The following PTPN2 variants were observed in gnomAD, a reference collection of about 807,000 sequenced individuals.
PTPN2 encodes protein tyrosine phosphatase non-receptor type 2.
Under a neutral mutation model 57.3 loss-of-function variants are expected in PTPN2, and 19 were observed. That is an observed-to-expected ratio of 0.33 (90% CI 0.23 to 0.49). PTPN2 has a LOEUF of 0.49. PTPN2 is among the 20% of genes least tolerant of loss of function. PTPN2 has a pLI of 0.99. For synonymous variants in PTPN2, 153 were observed against 164.9 expected (o/e 0.93, Z 0.55); for missense variants, 358 against 501.1 (o/e 0.71, Z 2.73).
At chr18:12,805,635 CTTTCT>C (rs1222679585) in intron 7 of PTPN2, among the ~76,000 whole-genome samples, 3 of 124,788 alleles carry the variant, frequency 2.4e-5, no homozygotes, top group African/African-American at 8.0e-5. Context: ...AAGATGCCTC[CTTTCT>C]TTTTTTTTTT....
chr18:12,874,951 G>C (rs1303578951), intron 1 of PTPN2, among the ~76,000 whole-genome samples: 1 of 152,168 alleles, frequency 6.6e-6, no homozygotes, highest in Non-Finnish European at 1.5e-5. Context: ...TTTTCATTTT[G>C]TTCTGTACTA....
intron 1 of PTPN2, among the ~76,000 whole-genome samples, chr18:12,879,756 T>G (rs763620476): frequency 4.6e-5 from 7 of 152,230 alleles, no homozygotes; most frequent in Admixed American, 1.3e-4. Flanking sequence ...CAACAAGGTA[T>G]CAAGTTCTCC....
intron 2 of PTPN2, among the ~76,000 whole-genome samples, chr18:12,850,970 C>T (rs1007263628): frequency 3.9e-5 from 6 of 152,086 alleles, no homozygotes; most frequent in Non-Finnish European, 7.4e-5. Context: ...AAACTCCCGA[C>T]CTCAGGTGAT....
At chr18:12,859,116 T>C (rs1461643896) in intron 2 of PTPN2, 48 bp downstream of exon 2, 1 of 1,515,350 alleles carries the variant, frequency 6.6e-7, no homozygotes, top group Admixed American at 1.7e-5. Flanking sequence ...TCCTGCCTCC[T>C]AAAACAAACC....
At chr18:12,843,138 T>C (rs11875687) in intron 2 of PTPN2, among the ~76,000 whole-genome samples, 25,658 of 152,026 alleles carry the variant, frequency 0.17, 2,275 homozygotes, top group East Asian at 0.3. Flanking sequence ...CCAACCTACA[T>C]GATTCCAGAC....
chr18:12,817,834 A>G (rs924612825), intron 5 of PTPN2, among the ~76,000 whole-genome samples: 2 of 152,054 alleles, frequency 1.3e-5, no homozygotes, highest in African/African-American at 2.4e-5. Context: ...TGAATGGGCT[A>G]TTTTTTTCTA....
downstream of PTPN2, among the ~76,000 whole-genome samples, chr18:12,790,075 G>T (rs906908066): frequency 6.6e-6 from 1 of 151,994 alleles, no homozygotes; most frequent in Non-Finnish European, 1.5e-5. Context: ...TGGGACTACA[G>T]GCACGTGCCA....
chr18:12,863,822 A>C, intron 1 of PTPN2: 1 of 152,338 alleles, frequency 6.6e-6, no homozygotes, highest in South Asian at 2.1e-4. Flanking sequence ...TTAACCAAAA[A>C]TTTTAAATCT....
chr18:12,811,748 A>G (rs1251630040), intron 7 of PTPN2, among the ~76,000 whole-genome samples: 3 of 152,284 alleles, frequency 2.0e-5, no homozygotes, highest in African/African-American at 2.4e-5. Context: ...CAGGTCATTA[A>G]TGCTGACTGG....
rs1555679458 is a variant in PTPN2, at chr18:12,870,310, C to CGT, written c.70-11057_70-11056insAC. The stretch of plus-strand genomic sequence containing the variant: ...ATATACATATATATGTGTATATATA[C>CGT]ATATATATGTGTATATATATGTATA... On this transcript the variant is annotated intron_variant, in intron 1 of 8. Transcript: ENST00000309660. 4.7e-3 allele frequency among the ~76,000 whole-genome samples: 273 copies of CGT among 57,500 alleles called. 13 individuals carry two copies. Among genetic ancestry groups the CGT allele is most frequent in the Non-Finnish European group, 6.0e-3 (198 of 33,044 alleles). The allele number at this position is 57,500 out of a possible 152,430, so 37.7% of individuals were successfully genotyped here.
chr18:12,865,878 T>C (rs1842928914), intron 1 of PTPN2, among the ~76,000 whole-genome samples: 1 of 151,032 alleles, frequency 6.6e-6, no homozygotes, highest in South Asian at 2.1e-4. Context: ...GAAAAACAAA[T>C]GCTGAACAAA....
intron 5 of PTPN2, among the ~76,000 whole-genome samples, chr18:12,824,751 A>G (rs1183386340): frequency 2.0e-5 from 3 of 152,172 alleles, no homozygotes; most frequent in Non-Finnish European, 4.4e-5. Context: ...ATGTACCTCA[A>G]CCAAGGCCCA....
chr18:12,815,096 A>G (rs2042024892), intron 6 of PTPN2, among the ~76,000 whole-genome samples: 2 of 63,810 alleles, frequency 3.1e-5, no homozygotes, highest in African/African-American at 8.2e-5. Context: ...AAATAAATAA[A>G]TAAATAAATA....
chr18:12,851,008 G>C (rs1352909845), intron 2 of PTPN2, among the ~76,000 whole-genome samples: 7 of 152,080 alleles, frequency 4.6e-5, no homozygotes, highest in Non-Finnish European at 1.5e-5. Context: ...CCAAAGTGCT[G>C]GGATTACAGG....
At position 12,851,485 on chromosome 18, in the gene PTPN2, CA is replaced by C. The variant is rs1218202992; in HGVS notation, c.160+7678del. Reference sequence around the variant, plus strand: ...TGGGCGACAGAGCGAGACTCCGTCTCAAAAAAAAAAAAAAAAAAAGAAAAAA... The same window carrying C: ...TGGGCGACAGAGCGAGACTCCGTCTCAAAAAAAAAAAAAAAAAAGAAAAAA... On this transcript the variant is annotated intron_variant, in intron 2 of 8. Transcript: ENST00000309660. Among the ~76,000 whole-genome samples the C allele has an allele frequency of 0.04, 396 of 9,910 alleles. 78 individuals are homozygous for C. In the Middle Eastern group the frequency reaches 0.4, roughly 10 times the overall value. 6.5% of individuals were successfully genotyped at this position (9,910 alleles called of 152,430 possible). A position where few individuals can be genotyped will look rare whatever the true frequency, so the allele number is the denominator to read the frequency against.
At chr18:12,817,061 T>A in intron 6 of PTPN2, 95 bp downstream of exon 6, 1 of 1,212,042 alleles carries the variant, frequency 8.3e-7, no homozygotes, top group Non-Finnish European at 1.2e-6. Flanking sequence ...AAACCTCAGT[T>A]CTGGGATACA....
At chr18:12,794,918 C>T (rs529936799) in intron 8 of PTPN2, among the ~76,000 whole-genome samples, 9 of 152,100 alleles carry the variant, frequency 5.9e-5, no homozygotes, top group Non-Finnish European at 1.2e-4. Flanking sequence ...CCACGGCGCC[C>T]GGCCAAGAAA....
intron 2 of PTPN2, among the ~76,000 whole-genome samples, chr18:12,858,552 T>TTC (rs2043676410): frequency 6.6e-6 from 1 of 151,970 alleles, no homozygotes; most frequent in Admixed American, 6.6e-5. Context: ...CAATTAAAAA[T>TTC]TGTTTATAAT....
At chr18:12,883,920 C>T (rs878946787) in intron 1 of PTPN2, 153 bp downstream of exon 1, 7 of 567,976 alleles carry the variant, frequency 1.2e-5, no homozygotes, top group South Asian at 1.1e-4. Context: ...GCGGTCAGCG[C>T]AGGCGCGCCC....
Sources: gnomAD v4.1 joint callset for allele counts (sites outside exome capture counted in the v4.1 genomes callset) on GRCh38, gnomAD v4.1.1 for gene constraint, MANE v1.5 for transcripts, NCBI Gene and HGNC (gene_info 2026-07-23, HGNC 2026-07-21) for gene names.